The following GSE1 variants were observed in gnomAD, a reference collection of about 807,000 sequenced individuals.
The protein encoded by GSE1 is Gse1 coiled-coil protein, also known as genetic suppressor element 1.
Under a neutral mutation model 112.6 loss-of-function variants are expected in GSE1, and 32 were observed. That is an observed-to-expected ratio of 0.28 (90% CI 0.21 to 0.38). The LOEUF is 0.38. Ranked by LOEUF, GSE1 falls within the 10% of genes least tolerant of loss-of-function variation. The pLI, the probability that GSE1 is intolerant of heterozygous loss-of-function variation, is 1.00. For synonymous variants in GSE1, 1,115 were observed against 735.6 expected, an observed-to-expected ratio of 1.52 and a Z score of -8.35; for missense variants, 2,348 against 1,699.2, an observed-to-expected ratio of 1.38 and a Z score of -6.71.
intron 1 of GSE1, among the ~76,000 whole-genome samples, chr16:85,192,660 CG>C (rs1027933342): frequency 1.1e-4 from 16 of 152,140 alleles, no homozygotes; most frequent in Admixed American, 9.8e-4. Context: ...CTAAGCTCGT[CG>C]GGCACTGGGG....
chr16:85,461,872 A>G (rs1326805635), intron 2 of GSE1, among the ~76,000 whole-genome samples: 1 of 148,618 alleles, frequency 6.7e-6, no homozygotes, highest in Non-Finnish European at 1.5e-5. Context: ...ACCCCTCCCC[A>G]GCTCCTGAGA....
chr16:85,671,167 C>A (rs924372809), intron 15 of GSE1, 69 bp downstream of exon 15: 1 of 900,604 alleles, frequency 1.1e-6, no homozygotes, highest in African/African-American at 1.7e-5. Context: ...AACACCCATG[C>A]AGATAAGTTT....
chr16:85,318,511 C>T (rs748478175), intron 1 of GSE1, among the ~76,000 whole-genome samples: 2 of 152,164 alleles, frequency 1.3e-5, no homozygotes, highest in Non-Finnish European at 2.9e-5. Flanking sequence ...ATGATATTCC[C>T]TCCTGGGCCT....
At chr16:85,494,704 C>T (rs1355645001) in intron 2 of GSE1, among the ~76,000 whole-genome samples, 2 of 152,126 alleles carry the variant, frequency 1.3e-5, no homozygotes, top group East Asian at 3.9e-4. Flanking sequence ...ACACCTGGCC[C>T]CAAATAAGGT....
intron 1 of GSE1, among the ~76,000 whole-genome samples, chr16:85,331,912 C>T (rs2046383727): frequency 6.6e-6 from 1 of 151,774 alleles, no homozygotes; most frequent in African/African-American, 2.4e-5. Flanking sequence ...AGGCGCAGGG[C>T]CTAAGACCTT....
At chr16:85,476,753 C>T (rs1463441672) in intron 2 of GSE1, among the ~76,000 whole-genome samples, 2 of 150,630 alleles carry the variant, frequency 1.3e-5, no homozygotes, top group African/African-American at 2.5e-5. Context: ...GGACTATAGG[C>T]GTGCACCACC....
Position 85,217,425 on chromosome 16 carries a change from C to T in GSE1, c.2283+45618C>T, listed in dbSNP as rs1189686924. The stretch of plus-strand genomic sequence containing the variant: ...AAGGCTGGCGATCCCTCCAGAGAAC[C>T]GTGTGCCCTGCAGAGTATGAGAAGG... On this transcript the variant is annotated intron_variant, in intron 1 of 2. Transcript: ENST00000637419. 3.9e-5 allele frequency among the ~76,000 whole-genome samples: 6 copies of T among 152,178 alleles called. No individual in the cohort carries two copies. In the East Asian group the frequency reaches 9.6e-4, roughly 24 times the overall value.
At chr16:85,584,757 A>G (rs568529036) in intron 1 of GSE1, among the ~76,000 whole-genome samples, 9 of 152,314 alleles carry the variant, frequency 5.9e-5, no homozygotes, top group Middle Eastern at 3.4e-3. Flanking sequence ...TTATCCTCTA[A>G]TCTCGTGCAT....
chr16:85,231,270 GATGA>G (rs1445390990), intron 1 of GSE1, among the ~76,000 whole-genome samples: 3 of 151,370 alleles, frequency 2.0e-5, no homozygotes, highest in Non-Finnish European at 4.4e-5. Flanking sequence ...TGGATGGACA[GATGA>G]ATGGATGGAT....
At chr16:85,665,670 A>G (rs753696157) in intron 12 of GSE1, among the ~76,000 whole-genome samples, 1 of 152,088 alleles carries the variant, frequency 6.6e-6, no homozygotes, top group Non-Finnish European at 1.5e-5. Flanking sequence ...TCGGCCCCTC[A>G]CACACTCTCT....
intron 2 of GSE1, among the ~76,000 whole-genome samples, chr16:85,361,986 G>A (rs1344796370): frequency 3.9e-5 from 6 of 152,232 alleles, no homozygotes; most frequent in Admixed American, 3.9e-4. Flanking sequence ...CTCTCACCAT[G>A]TGGGCAGCTT....
At chr16:85,539,038 C>G (rs2044429098) in intron 2 of GSE1, among the ~76,000 whole-genome samples, 1 of 152,222 alleles carries the variant, frequency 6.6e-6, no homozygotes. Context: ...TGCACAGTGC[C>G]AGCCCCGCGG....
At chr16:85,658,666 G>C (rs756338425) in intron 8 of GSE1, among the ~76,000 whole-genome samples, 1 of 152,222 alleles carries the variant, frequency 6.6e-6, no homozygotes, top group Non-Finnish European at 1.5e-5. Context: ...GCCGAAGTGA[G>C]ATCCCTTCTG....
At chr16:85,425,552 A>G (rs1042756827) in intron 2 of GSE1, among the ~76,000 whole-genome samples, 5 of 152,192 alleles carry the variant, frequency 3.3e-5, no homozygotes, top group African/African-American at 1.2e-4. Flanking sequence ...GCGGAGCCAC[A>G]CCGATGCACG....
Position 85,661,394 on chromosome 16 carries a change from G to T in GSE1, c.1889G>T (p.Cys630Phe). 3 of 1,612,338 alleles carry T rather than the reference G, an allele frequency of 1.9e-6. No homozygotes were observed. Among genetic ancestry groups the T allele is most frequent in the Non-Finnish European group, 2.5e-6 (3 of 1,179,742 alleles). ...CTGGTGAAGGTGGAGCGGGTCTTCT[G>T]CCCGGAGAAAGCAGAGGAGGGGCCA... ...VPLVKVERVF[C>F]PEKAEEGPRK... Residue 630 changes from cysteine (C) to phenylalanine (F), a missense_variant, in exon 9 of 16, where the codon TGC (cysteine) becomes TTC (phenylalanine). By Grantham distance (205) the Cys-to-Phe change is radical. Transcript: ENST00000253458.
chr16:85,475,776 CTTTTTTTT>C (rs57562071), intron 2 of GSE1, among the ~76,000 whole-genome samples: 40,873 of 145,958 alleles, frequency 0.28, 5,816 homozygotes, highest in Non-Finnish European at 0.28. Flanking sequence ...AATTGTTTTT[CTTTTTTTT>C]TTTTTTTTTT....
chr16:85,550,571 C>G (rs969247376), intron 2 of GSE1, among the ~76,000 whole-genome samples: 6 of 152,086 alleles, frequency 3.9e-5, no homozygotes, highest in African/African-American at 9.7e-5. Context: ...GTGCCTCTCT[C>G]CAGAGGGGGG....
chr16:85,661,068 G>A (rs983478064), intron 8 of GSE1, 78 bp from the exon 9 acceptor site: 1 of 1,385,872 alleles, frequency 7.2e-7, no homozygotes, highest in Non-Finnish European at 9.8e-7. Flanking sequence ...CATCTTAGGA[G>A]CGGCAGGCAG....
At chr16:85,257,313 G>A (rs553323272) in intron 1 of GSE1, among the ~76,000 whole-genome samples, 4 of 152,168 alleles carry the variant, frequency 2.6e-5, no homozygotes, top group South Asian at 2.1e-4. Flanking sequence ...TTTCAACCAC[G>A]TCAGCCAGGC....
Sources: allele counts gnomAD v4.1 joint callset (sites outside exome capture counted in the v4.1 genomes callset), GRCh38; gene constraint gnomAD v4.1.1; transcripts MANE v1.5; gene names NCBI Gene and HGNC (gene_info 2026-07-23, HGNC 2026-07-21).